AFDN: variants seen among roughly 807,000 people sequenced by gnomAD.
The protein encoded by AFDN is afadin.
Under a neutral mutation model 216.6 loss-of-function variants are expected in AFDN, and 68 were observed. The ratio of observed to expected loss-of-function variants is 0.31; its 90% confidence interval spans 0.26 to 0.38. The LOEUF (loss-of-function observed/expected upper bound fraction) is 0.38, where lower values mean the gene tolerates loss of function less well. AFDN is among the 10% of genes least tolerant of loss of function. The pLI is 1.00. For synonymous variants in AFDN, 868 were observed against 853.7 expected, an observed-to-expected ratio of 1.02 and a Z score of -0.29; for missense variants, 2,136 against 2,342.0, an observed-to-expected ratio of 0.91 and a Z score of 1.82.
chr6:167,926,468 G>T (rs1792544552), intron 23 of AFDN, among the ~76,000 whole-genome samples: 1 of 152,192 alleles, frequency 6.6e-6, no homozygotes, highest in African/African-American at 2.4e-5. Flanking sequence ...AAAGAGGCTG[G>T]GTCTTGCTGT....
At chr6:167,886,090 CAGT>C (rs890822680) in intron 6 of AFDN, among the ~76,000 whole-genome samples, 1 of 151,996 alleles carries the variant, frequency 6.6e-6, no homozygotes, top group African/African-American at 2.4e-5. Flanking sequence ...AGTAATCTCA[CAGT>C]AGTTTTTTTT....
chr6:167,864,869 G>A, intron 2 of AFDN, 123 bp downstream of exon 2: 1 of 1,028,692 alleles, frequency 9.7e-7, no homozygotes, highest in Non-Finnish European at 1.5e-6. Context: ...TCTTTTGGTG[G>A]GTAGGAGAGT....
At chr6:167,833,678 C>T (rs1780075442) in intron 1 of AFDN, among the ~76,000 whole-genome samples, 1 of 152,092 alleles carries the variant, frequency 6.6e-6, no homozygotes, top group African/African-American at 2.4e-5. Context: ...TGTTAACCAG[C>T]TTTTGGTACT....
chr6:167,848,648 A>G lies in AFDN; in HGVS notation c.106-15903A>G, dbSNP rs549622463. 2.0e-5 allele frequency among the ~76,000 whole-genome samples: 3 copies of G among 152,336 alleles called. No homozygotes were observed. In the South Asian group the frequency reaches 6.2e-4, roughly 32 times the overall value. On this transcript the variant is annotated intron_variant, in intron 1 of 33. Coordinates refer to ENST00000683244, the MANE Select transcript of AFDN (RefSeq NM_001386888.1). ...AGATTTTTTAGGTCCTGCAAAATTG[A>G]TCTTGGAAATGGTTCTACCAATTTA... is the stretch of plus-strand genomic sequence containing the variant.
At chr6:167,876,377 A>G (rs959080012) in intron 5 of AFDN, among the ~76,000 whole-genome samples, 1 of 152,200 alleles carries the variant, frequency 6.6e-6, no homozygotes, top group Non-Finnish European at 1.5e-5. Flanking sequence ...TTCTTTGTTT[A>G]TATATATTTT....
intron 10 of AFDN, among the ~76,000 whole-genome samples, chr6:167,897,511 C>T (rs571447252): frequency 6.6e-6 from 1 of 152,254 alleles, no homozygotes; most frequent in African/African-American, 2.4e-5. Context: ...TTGTTAATAT[C>T]ATTTTCAATT....
chr6:167,875,296 C>T, intron 4 of AFDN, 39 bp from the exon 5 acceptor site: 1 of 1,579,158 alleles, frequency 6.3e-7, no homozygotes, highest in Non-Finnish European at 8.6e-7. Context: ...AATAAGAAAA[C>T]AGTGTTTAAA....
upstream of AFDN, chr6:167,826,576 G>A: frequency 3.9e-6 from 2 of 516,130 alleles, no homozygotes; most frequent in Admixed American, 4.0e-5. Context: ...TCTGCACCGC[G>A]CGTCCGGACC....
At chr6:167,843,116 T>C (rs1448870899) in intron 1 of AFDN, among the ~76,000 whole-genome samples, 1 of 152,192 alleles carries the variant, frequency 6.6e-6, no homozygotes, top group East Asian at 1.9e-4. Context: ...GGGATTTGAC[T>C]TATTGCTCCA....
At position 167,965,861 on chromosome 6, in the gene AFDN, C is replaced by T; in HGVS notation, c.5073C>T (p.Cys1691=). 1 of 1,549,018 alleles carries T rather than the reference C, an allele frequency of 6.5e-7. No homozygotes were observed. The highest frequency in any genetic ancestry group is 2.4e-5 in the East Asian group (1 of 40,918). ...RLLEPEAPGL[C]RPPLPRDYEP... is the part of the protein sequence containing the mutation. ...TGGAGCCCGAGGCGCCCGGTCTGTG[C>T]CGCCCTCCGCTTCCCCGGGACTACG... The change falls in exon 32 of 34, where the codon TGC becomes TGT. Residue 1691 remains cysteine (C), a synonymous_variant. Transcript: ENST00000683244.
chr6:167,923,611 A>T (rs1330910650), intron 22 of AFDN, among the ~76,000 whole-genome samples: 3 of 145,606 alleles, frequency 2.1e-5, no homozygotes, highest in Admixed American at 1.4e-4. Flanking sequence ...AAGTGAACAT[A>T]CCCTAATACT....
At chr6:167,934,918 T>G (rs958364449) in intron 23 of AFDN, among the ~76,000 whole-genome samples, 1 of 152,140 alleles carries the variant, frequency 6.6e-6, no homozygotes, top group Non-Finnish European at 1.5e-5. Flanking sequence ...GGAGCAGTCT[T>G]TTCCTTGTTG....
At chr6:167,894,329 C>T (rs770924142) in intron 9 of AFDN, among the ~76,000 whole-genome samples, 7 of 152,178 alleles carry the variant, frequency 4.6e-5, no homozygotes, top group African/African-American at 1.2e-4. Flanking sequence ...TTTGTCTCTG[C>T]TCTTCAAGGT....
intron 27 of AFDN, 131 bp from the exon 28 acceptor site, chr6:167,947,722 T>A (rs1328990404): frequency 2.2e-5 from 12 of 549,372 alleles, no homozygotes; most frequent in South Asian, 1.4e-4. Flanking sequence ...GCCTTGATTT[T>A]TTTTTTTCAT....
In AFDN at chr6:167,918,944, C is replaced by T. The variant is rs745588085; in HGVS notation, c.2908+11C>T. ...CTCTGTGCCAGAGAGGTAAATTAGT[C>T]TAAATGCCTGAGTCTGAGCTACGCC... On this transcript the variant is annotated intron_variant, in intron 21 of 33. Coordinates refer to ENST00000683244, the MANE Select transcript of AFDN (RefSeq NM_001386888.1). The T allele has an allele frequency of 6.2e-7, 1 of 1,608,874 alleles. No homozygotes were observed. The highest frequency in any genetic ancestry group is 8.5e-7 in the Non-Finnish European group (1 of 1,176,208).
chr6:167,946,887 G>T lies in AFDN; in HGVS notation c.3539G>T (p.Ser1180Ile), dbSNP rs1374121962. 1 of 1,611,070 alleles carries T rather than the reference G, an allele frequency of 6.2e-7. No individual in the cohort carries two copies. The highest frequency in any genetic ancestry group is 1.3e-5 in the African/African-American group (1 of 74,696). ...AAAAATAGAGCTGATCACCGTTCCA[G>T]CCCCAACGTAGCAAGTAAGAGTGAC... is the stretch of plus-strand genomic sequence containing the variant. Reference protein sequence around the residue: ...LMKNRADHRSSPNVANQPPSP... With the variant: ...LMKNRADHRSIPNVANQPPSP... The change falls in exon 27 of 34, where the codon AGC (serine) becomes ATC (isoleucine). Residue 1180 changes from serine (S) to isoleucine (I), a missense_variant. By Grantham distance (142) the Ser-to-Ile change is moderately radical. This residue lies in a region of AFDN where 981 missense variants were observed against 966.0 expected (regional missense o/e 1.02). Transcript: ENST00000683244.
Position 167,944,039 on chromosome 6 carries a change from C to T in AFDN, c.3338C>T (p.Pro1113Leu). The change falls in exon 26 of 34, where the codon CCA becomes CTA. Residue 1113 changes from proline (P) to leucine (L), a missense_variant. Pro to Leu is a moderately conservative substitution (Grantham distance 98). Around this residue, in one of 8 missense-constraint regions of AFDN, gnomAD observed 981 missense variants for 966.0 expected, o/e 1.02. Transcript: ENST00000683244. ...YHGLATLLNQ[P>L]SPMMQRISDR... ...GGTCTGGCCACCCTTCTCAATCAGC[C>T]ATCCCCCATGATGCAGAGAAGTAAG... 1 of 1,613,926 alleles carries T rather than the reference C, an allele frequency of 6.2e-7. No homozygotes were observed. The highest frequency in any genetic ancestry group is 8.5e-7 in the Non-Finnish European group (1 of 1,179,800).
chr6:167,964,297 A>G, intron 31 of AFDN: 1 of 1,064,054 alleles, frequency 9.4e-7, no homozygotes, highest in Non-Finnish European at 1.1e-6. Context: ...TTGTAATTGT[A>G]TCTGCTCTTG....
At position 167,958,173 on chromosome 6, in the gene AFDN, T is replaced by C. The variant is rs147249640; in HGVS notation, c.4834-4260T>C. Among the ~76,000 whole-genome samples, 126 of 152,354 alleles carry C rather than the reference T, an allele frequency of 8.3e-4. No individual in the cohort carries two copies. In the South Asian group the frequency reaches 0.016, roughly 19 times the overall value. ...AATTATTTCAAATATGTTATAAAAT[T>C]ACCTTTAGGCTATATATATAGTGTA... is the stretch of plus-strand genomic sequence containing the variant. On this transcript the variant is annotated intron_variant, in intron 30 of 33. Transcript: ENST00000683244.
Sources: allele counts gnomAD v4.1 joint callset (sites outside exome capture counted in the v4.1 genomes callset), GRCh38; gene constraint gnomAD v4.1.1; regional missense constraint gnomAD v4.1.1; transcripts MANE v1.5; gene names NCBI Gene and HGNC (gene_info 2026-07-23, HGNC 2026-07-21).